DIAPH3: variants seen among roughly 807,000 people sequenced by gnomAD.
DIAPH3 encodes diaphanous related formin 3, also known as protein diaphanous homolog 3.
Under a neutral mutation model 144.3 loss-of-function variants are expected in DIAPH3, and 117 were observed. The ratio of observed to expected loss-of-function variants is 0.81; its 90% CI spans 0.70 to 0.95. The LOEUF (loss-of-function observed/expected upper bound fraction) is 0.95, where lower values mean the gene tolerates loss of function less well. Ranked by LOEUF, DIAPH3 falls within the 40% of genes least tolerant of loss-of-function variation. DIAPH3 has a pLI of 0.00. For synonymous variants in DIAPH3, 519 were observed against 488.9 expected, an observed-to-expected ratio of 1.06 and a Z score of -0.81; for missense variants, 1,421 against 1,412.7, an observed-to-expected ratio of 1.01 and a Z score of -0.09.
intron 9 of DIAPH3, among the ~76,000 whole-genome samples, chr13:60,005,637 T>C (rs764997085): frequency 9.2e-5 from 14 of 152,108 alleles, no homozygotes; most frequent in East Asian, 5.8e-4. Context: ...CCCACCACCA[T>C]GCCCGGCTAA....
chr13:59,917,225 C>T (rs2140265344), intron 18 of DIAPH3, among the ~76,000 whole-genome samples: 1 of 152,186 alleles, frequency 6.6e-6, no homozygotes, highest in South Asian at 2.1e-4. Context: ...ATTCAATCCA[C>T]AGTAGGTTGA....
At chr13:59,763,677 C>G (rs1031871851) in intron 27 of DIAPH3, among the ~76,000 whole-genome samples, 6 of 151,896 alleles carry the variant, frequency 4.0e-5, no homozygotes, top group Non-Finnish European at 8.8e-5. Context: ...GAGAGAAACC[C>G]TGTCACAAAA....
intron 20 of DIAPH3, among the ~76,000 whole-genome samples, chr13:59,885,351 T>C (rs756511160): frequency 6.6e-6 from 1 of 151,726 alleles, no homozygotes; most frequent in Non-Finnish European, 1.5e-5. Context: ...AAAACCAGTG[T>C]TTTGATTTCA....
intron 8 of DIAPH3, 151 bp from the exon 9 acceptor site, chr13:60,008,800 T>C: frequency 1.5e-6 from 1 of 650,860 alleles, no homozygotes; most frequent in Non-Finnish European, 2.8e-6. Flanking sequence ...CAAGCACAGT[T>C]CTAAGCATGT....
intron 17 of DIAPH3, among the ~76,000 whole-genome samples, chr13:59,965,010 AG>A (rs1320896598): frequency 1.3e-5 from 2 of 152,186 alleles, no homozygotes; most frequent in African/African-American, 4.8e-5. Flanking sequence ...TAGCCTTGTG[AG>A]GTAGTTTAAA....
chr13:59,919,314 G>A (rs1398609832), intron 18 of DIAPH3, among the ~76,000 whole-genome samples: 1 of 152,008 alleles, frequency 6.6e-6, no homozygotes, highest in African/African-American at 2.4e-5. Flanking sequence ...GATACGGGAA[G>A]GTAAAAGGTG....
chr13:59,766,715 A>G (rs1447937126), intron 27 of DIAPH3, among the ~76,000 whole-genome samples: 1 of 152,016 alleles, frequency 6.6e-6, no homozygotes, highest in East Asian at 1.9e-4. Flanking sequence ...AAGAAACATA[A>G]TATGCTCATT....
intron 5 of DIAPH3, among the ~76,000 whole-genome samples, chr13:60,026,463 G>A (rs1002218682): frequency 1.3e-5 from 2 of 152,088 alleles, no homozygotes; most frequent in African/African-American, 4.8e-5. Flanking sequence ...GAGCCTTTAT[G>A]ATCCTGTTCT....
At chr13:60,074,633 T>C (rs778962862) in intron 4 of DIAPH3, among the ~76,000 whole-genome samples, 22 of 152,222 alleles carry the variant, frequency 1.4e-4, no homozygotes, top group Non-Finnish European at 2.5e-4. Flanking sequence ...AGATAATCAC[T>C]GCAAATGCTT....
rs552720283 is a variant in DIAPH3, at chr13:59,831,536, T to G, written c.3027+1571A>C. Among the ~76,000 whole-genome samples, 10 of 151,884 alleles carry G rather than the reference T, an allele frequency of 6.6e-5. No individual in the cohort carries two copies. The East Asian group carries it at 1.9e-3, about 29-fold the overall frequency. On this transcript the variant is annotated intron_variant, in intron 24 of 27. Transcript: ENST00000400324. ...TTGGTGTCAAAGATTTTATTGAGAG[T>G]CAGTCACTTTAGCATAGACTGCCTG...
chr13:59,749,084 T>C (rs772639727), intron 27 of DIAPH3, among the ~76,000 whole-genome samples: 7 of 150,814 alleles, frequency 4.6e-5, no homozygotes, highest in Non-Finnish European at 7.4e-5. Context: ...TGTGGTGGCA[T>C]GAACCTATAG....
chr13:60,088,425 T>C (rs2057823751), intron 4 of DIAPH3, among the ~76,000 whole-genome samples: 1 of 152,132 alleles, frequency 6.6e-6, no homozygotes, highest in South Asian at 2.1e-4. Context: ...TTACTCCCTC[T>C]CTGCCCCTCT....
intron 27 of DIAPH3, among the ~76,000 whole-genome samples, chr13:59,721,658 C>A (rs1486339584): frequency 6.6e-6 from 1 of 152,090 alleles, no homozygotes; most frequent in East Asian, 1.9e-4. Flanking sequence ...TGCCTTTCAC[C>A]AGTGACTTAG....
At chr13:60,032,434 C>T (rs975411160) in intron 5 of DIAPH3, among the ~76,000 whole-genome samples, 2 of 152,208 alleles carry the variant, frequency 1.3e-5, no homozygotes, top group African/African-American at 2.4e-5. Context: ...CCTCTAAAAT[C>T]TAGGCGGAGG....
At chr13:59,817,920 A>G (rs961452402) in intron 24 of DIAPH3, among the ~76,000 whole-genome samples, 1 of 151,988 alleles carries the variant, frequency 6.6e-6, no homozygotes, top group Non-Finnish European at 1.5e-5. Flanking sequence ...CACTCAATTT[A>G]TAAATTTATG....
chr13:60,130,438 G>A (rs1004429757), intron 2 of DIAPH3, among the ~76,000 whole-genome samples: 2 of 152,176 alleles, frequency 1.3e-5, no homozygotes, highest in African/African-American at 4.8e-5. Flanking sequence ...GAATCCAGGA[G>A]AGACAGACGT....
chr13:59,995,240 A>G (rs1349058756), intron 9 of DIAPH3, among the ~76,000 whole-genome samples: 2 of 151,826 alleles, frequency 1.3e-5, no homozygotes, highest in Non-Finnish European at 2.9e-5. Flanking sequence ...AACTGGAGAT[A>G]CTCATACTCA....
intron 5 of DIAPH3, among the ~76,000 whole-genome samples, chr13:60,027,850 A>G (rs2054487354): frequency 6.6e-6 from 1 of 152,162 alleles, no homozygotes; most frequent in Non-Finnish European, 1.5e-5. Context: ...AATATAGACT[A>G]ATTTGCCAAC....
chr13:59,864,837 T>C (rs2043820688), intron 21 of DIAPH3, among the ~76,000 whole-genome samples: 1 of 151,942 alleles, frequency 6.6e-6, no homozygotes, highest in African/African-American at 2.4e-5. Context: ...ATGGGAACAA[T>C]CTAGTATTAA....
Sources: gnomAD v4.1 joint callset for allele counts (sites outside exome capture counted in the v4.1 genomes callset) on GRCh38, gnomAD v4.1.1 for gene constraint, MANE v1.5 for transcripts, NCBI Gene and HGNC (gene_info 2026-07-23, HGNC 2026-07-21) for gene names.